Variants in DARS1 observed in about 807,000 individuals in gnomAD.
DARS1 encodes aspartyl-tRNA synthetase 1, also known as aspartate--tRNA ligase, cytoplasmic.
In DARS1, 51 loss-of-function variants were observed where a neutral mutation model predicts 68.8. That is an observed-to-expected ratio of 0.74 (90% CI 0.59 to 0.94). DARS1 has a LOEUF of 0.94. Among genes scored for constraint, DARS1 ranks in the 40% least tolerant of loss-of-function variants. DARS1 has a pLI of 0.00. For missense variants in DARS1, 607 were observed against 597.3 expected, an observed-to-expected ratio of 1.02 and a Z score of -0.17; for synonymous variants, 203 against 190.4, an observed-to-expected ratio of 1.07 and a Z score of -0.55.
chr2:135,920,825 A>G (rs1681097382), intron 9 of DARS1, among the ~76,000 whole-genome samples: 1 of 152,084 alleles, frequency 6.6e-6, no homozygotes, highest in Admixed American at 6.6e-5. Flanking sequence ...ATGTAAATTA[A>G]TAAGAGAGGT....
At chr2:135,981,852 A>G (rs1436137495) in intron 2 of DARS1, among the ~76,000 whole-genome samples, 3 of 151,958 alleles carry the variant, frequency 2.0e-5, no homozygotes, top group Non-Finnish European at 4.4e-5. Context: ...CTTTCTGTAG[A>G]GATGGGGTCT....
intron 4 of DARS1, 98 bp from the exon 5 acceptor site, chr2:135,943,578 T>C (rs1012906883): frequency 2.7e-6 from 4 of 1,508,028 alleles, no homozygotes; most frequent in Admixed American, 2.2e-5. Flanking sequence ...TAAACTCTTT[T>C]TTAATACAGT....
In DARS1 at chr2:135,985,502, C is replaced by CA; in HGVS notation, c.-35_-34insT. ...GGAACTGGGCAGTGGACACCACCCT[C>CA]CCTCGCAGGCTTCCGTAAGGCAGGC... On this transcript the variant is annotated 5_prime_UTR_variant, in exon 1 of 16. Transcript: ENST00000264161. 1.2e-6 allele frequency: 2 copies of CA among 1,613,964 alleles called. No homozygotes were observed.
rs774956404 is a variant in DARS1 at position 135,985,484 on chromosome 2, G to A, written c.-16C>T. On this transcript the variant is annotated 5_prime_UTR_variant, in exon 1 of 16. Transcript: ENST00000264161. ...CGCTGGGCATCGGGACACGGAACTG[G>A]GCAGTGGACACCACCCTCCCTCGCA... 1.2e-6 allele frequency: 2 copies of A among 1,613,974 alleles called. No homozygotes were observed. Among genetic ancestry groups the A allele is most frequent in the Non-Finnish European group, 1.7e-6 (2 of 1,179,944 alleles).
chr2:135,921,137 ATCC>A (rs996183699), intron 9 of DARS1, among the ~76,000 whole-genome samples: 17 of 149,952 alleles, frequency 1.1e-4, no homozygotes, highest in Admixed American at 1.1e-3. Flanking sequence ...CAGCCTTAAT[ATCC>A]TCAGTGCCTT....
At chr2:135,953,406 T>G (rs1681892381) in intron 4 of DARS1, among the ~76,000 whole-genome samples, 2 of 152,226 alleles carry the variant, frequency 1.3e-5, no homozygotes. Context: ...GTGGTTTTAT[T>G]TTCAACATCA....
rs1681774602 is a variant in DARS1 at position 135,948,504 on chromosome 2, C to T, written c.321-5024G>A. Among the ~76,000 whole-genome samples the T allele has an allele frequency of 1.3e-5, 2 of 152,164 alleles. 1 individual carries two copies. Among genetic ancestry groups the T allele is most frequent in the South Asian group, 4.1e-4 (2 of 4,830 alleles). On this transcript the variant is annotated intron_variant, in intron 4 of 15. Transcript: ENST00000264161. ...CAGAGTACCTGGACCAGAGCACGTGCTAAATACAAGTTTGTAAAAATCAAT... is the reference window on the plus strand; with the variant it reads ...CAGAGTACCTGGACCAGAGCACGTGTTAAATACAAGTTTGTAAAAATCAAT...
intron 5 of DARS1, among the ~76,000 whole-genome samples, chr2:135,936,450 C>T (rs912388821): frequency 6.6e-6 from 1 of 151,894 alleles, no homozygotes; most frequent in Non-Finnish European, 1.5e-5. Flanking sequence ...GGCTAGAGCG[C>T]AGTGGTGTGA....
intron 4 of DARS1, among the ~76,000 whole-genome samples, chr2:135,951,045 C>T (rs1278597530): frequency 1.3e-5 from 2 of 152,070 alleles, no homozygotes; most frequent in East Asian, 1.9e-4. Flanking sequence ...TGAGGTCCAA[C>T]GGAAAATGAG....
chr2:135,918,872 T>C (rs1315207649), intron 10 of DARS1, among the ~76,000 whole-genome samples: 1 of 152,196 alleles, frequency 6.6e-6, no homozygotes, highest in Non-Finnish European at 1.5e-5. Flanking sequence ...CATTGAAAAC[T>C]GATTAAAATA....
chr2:135,937,070 A>G (rs1461471943), intron 5 of DARS1, among the ~76,000 whole-genome samples: 1 of 152,084 alleles, frequency 6.6e-6, no homozygotes, highest in African/African-American at 2.4e-5. Context: ...ATAGTACTAA[A>G]TATGTGTGAA....
rs1254409658 is a variant in DARS1, at chr2:135,907,417, A to G, written c.1415-10T>C. On this transcript the variant is annotated splice_polypyrimidine_tract_variant and intron_variant, in intron 15 of 15. Transcript: ENST00000264161. ...GTAACTCGTTCCAATCCTGGGGAAGACAAAAATAATCATTAATTCCTTTTT... is the reference window on the plus strand; with the variant it reads ...GTAACTCGTTCCAATCCTGGGGAAGGCAAAAATAATCATTAATTCCTTTTT... 1 of 1,593,476 alleles carries G rather than the reference A, an allele frequency of 6.3e-7. No individual in the cohort carries two copies. Among genetic ancestry groups the G allele is most frequent in the African/African-American group, 1.3e-5 (1 of 74,280 alleles).
chr2:135,916,305 T>C lies in DARS1; in HGVS notation c.1027A>G (p.Thr343Ala), dbSNP rs1681004401. Residue 343 changes from threonine to alanine, a missense_variant, in exon 11 of 16, where the codon ACT becomes GCT. Thr to Ala is a moderately conservative substitution (Grantham distance 58). Coordinates refer to ENST00000264161, the MANE Select transcript of DARS1 (RefSeq NM_001349.4). ...GCTTCACAATATTCTAGTCTTAGAG[T>C]TGGCTCCAAAAATTTGAATGGCTCA... ...PCEPFKFLEP[T>A]LRLEYCEALA... 3 of 1,542,118 alleles carry C rather than the reference T, an allele frequency of 1.9e-6. No homozygotes were observed. The highest frequency in any genetic ancestry group is 1.4e-5 in the African/African-American group (1 of 73,650).
At chr2:135,943,092 A>C (rs1681643385) in intron 5 of DARS1, 1 of 262,508 alleles carries the variant, frequency 3.8e-6, no homozygotes, top group South Asian at 7.2e-5. Context: ...AGGAAGCCAC[A>C]GAAAGAGATG....
At chr2:135,981,962 C>G (rs1164132307) in intron 2 of DARS1, among the ~76,000 whole-genome samples, 1 of 152,034 alleles carries the variant, frequency 6.6e-6, no homozygotes, top group Non-Finnish European at 1.5e-5. Context: ...TCCCAACAAG[C>G]CTGGGAAAGA....
At chr2:135,962,818 A>G (rs1279601678) in intron 3 of DARS1, among the ~76,000 whole-genome samples, 1 of 152,220 alleles carries the variant, frequency 6.6e-6, no homozygotes, top group East Asian at 1.9e-4. Flanking sequence ...CCACAGAGAA[A>G]CTTGCAGATG....
At chr2:135,973,020 TC>T (rs767355699) in intron 3 of DARS1, among the ~76,000 whole-genome samples, 18 of 152,132 alleles carry the variant, frequency 1.2e-4, no homozygotes, top group Admixed American at 2.0e-4. Context: ...TGGAGGTTCC[TC>T]AAAAAACTAA....
At position 135,917,243 on chromosome 2, in the gene DARS1, A is replaced by G. The variant is rs76792531; in HGVS notation, c.960-871T>C. ...AATGATGGCTGGGATTTGCTTCAAA[A>G]TAATAGTGAATGAGGGAAATGGGTA... On this transcript the variant is annotated intron_variant, in intron 10 of 15. Coordinates refer to ENST00000264161, the MANE Select transcript of DARS1 (RefSeq NM_001349.4). Among the ~76,000 whole-genome samples, 392 of 152,280 alleles carry G rather than the reference A, an allele frequency of 2.6e-3. 9 individuals carry two copies. In the East Asian group the frequency reaches 0.066, roughly 26 times the overall value.
intron 15 of DARS1, among the ~76,000 whole-genome samples, chr2:135,907,714 C>T (rs1233245938): frequency 6.6e-6 from 1 of 152,034 alleles, no homozygotes; most frequent in Non-Finnish European, 1.5e-5. Flanking sequence ...AAACAAAAGA[C>T]TTTATAAGCT....
Sources: gnomAD v4.1 joint callset for allele counts (sites outside exome capture counted in the v4.1 genomes callset) on GRCh38, gnomAD v4.1.1 for gene constraint, MANE v1.5 for transcripts, NCBI Gene and HGNC (gene_info 2026-07-23, HGNC 2026-07-21) for gene names.